The following C1QTNF3 variants were observed in gnomAD, a reference collection of about 807,000 sequenced individuals.
C1QTNF3 encodes the protein complement C1q tumor necrosis factor-related protein 3.
In C1QTNF3, 26 loss-of-function variants were observed where a neutral mutation model predicts 32.6. The ratio of observed to expected loss-of-function variants is 0.80; its 90% confidence interval spans 0.58 to 1.11. The LOEUF is 1.11. C1QTNF3 is among the 50% of genes least tolerant of loss of function. C1QTNF3 has a pLI of 0.00. For missense variants in C1QTNF3, 362 were observed against 398.2 expected (o/e 0.91, Z 0.77); for synonymous variants, 155 against 146.0 (o/e 1.06, Z -0.44).
At chr5:34,133,656 A>G in the C1QTNF3 span, among the ~76,000 whole-genome samples, 1 of 152,234 alleles carries the variant, frequency 6.6e-6, no homozygotes, top group Non-Finnish European at 1.5e-5. Flanking sequence ...TACACTGACG[A>G]GGTCATGTTC....
the C1QTNF3 span, among the ~76,000 whole-genome samples, chr5:34,104,879 T>C: frequency 6.6e-6 from 1 of 151,988 alleles, no homozygotes; most frequent in South Asian, 2.1e-4. Flanking sequence ...TTTTTTTTTT[T>C]AAGGCTAAGA....
the C1QTNF3 span, among the ~76,000 whole-genome samples, chr5:34,171,276 G>A: frequency 2.7e-5 from 4 of 150,634 alleles, no homozygotes; most frequent in Non-Finnish European, 5.9e-5. Flanking sequence ...ATTTTTTTCA[G>A]CAAGTTTATA....
At chr5:34,210,292 G>T in the C1QTNF3 span, among the ~76,000 whole-genome samples, 1 of 151,956 alleles carries the variant, frequency 6.6e-6, no homozygotes, top group Non-Finnish European at 1.5e-5. Context: ...TTTTGATATT[G>T]CATACTCAAT....
the C1QTNF3 span, among the ~76,000 whole-genome samples, chr5:34,170,151 G>A: frequency 6.6e-6 from 1 of 152,048 alleles, no homozygotes; most frequent in Non-Finnish European, 1.5e-5. Flanking sequence ...TGAACCTAAG[G>A]GATCTTATGC....
chr5:34,046,597 G>A (rs7727311), upstream of C1QTNF3, among the ~76,000 whole-genome samples: 108,813 of 152,132 alleles, frequency 0.72, 39,116 homozygotes, highest in East Asian at 0.87. Flanking sequence ...AACCCTTAGG[G>A]GGAACCAACC....
At chr5:34,214,886 T>C in the C1QTNF3 span, among the ~76,000 whole-genome samples, 2 of 152,146 alleles carry the variant, frequency 1.3e-5, no homozygotes, top group South Asian at 2.1e-4. Flanking sequence ...GGCAGGCAAA[T>C]TGTTGCATAA....
chr5:34,116,442 T>A, the C1QTNF3 span, among the ~76,000 whole-genome samples: 1 of 151,922 alleles, frequency 6.6e-6, no homozygotes. Context: ...ACTACTACTG[T>A]TGAATTGTCT....
At chr5:34,229,288 T>TC in the C1QTNF3 span, among the ~76,000 whole-genome samples, 1 of 151,940 alleles carries the variant, frequency 6.6e-6, no homozygotes, top group Admixed American at 6.6e-5. Flanking sequence ...CACATCTACC[T>TC]CTTCCTCTAT....
upstream of C1QTNF3, among the ~76,000 whole-genome samples, chr5:34,048,096 T>C (rs1424750529): frequency 6.6e-6 from 1 of 152,188 alleles, no homozygotes; most frequent in Admixed American, 6.5e-5. Context: ...TTTCAGAGAC[T>C]CATGTACAAA....
At chr5:34,175,659 A>G in the C1QTNF3 span, 43 of 565,274 alleles carry the variant, frequency 7.6e-5, no homozygotes, top group Non-Finnish European at 1.3e-4. Context: ...CTTCCTAAGC[A>G]CAACTTACTT....
chr5:34,115,298 T>C, the C1QTNF3 span, among the ~76,000 whole-genome samples: 5 of 152,352 alleles, frequency 3.3e-5, no homozygotes, highest in African/African-American at 1.2e-4. Context: ...TTCATCATAA[T>C]GTATCTAAGA....
the C1QTNF3 span, among the ~76,000 whole-genome samples, chr5:34,237,924 G>A: frequency 2.0e-5 from 3 of 152,130 alleles, no homozygotes; most frequent in Non-Finnish European, 4.4e-5. Context: ...GCAAACAAAA[G>A]GAAGTATAAA....
intron 5 of C1QTNF3, 47 bp from the exon 6 acceptor site, chr5:34,020,789 AC>A: frequency 6.3e-7 from 1 of 1,579,744 alleles, no homozygotes; most frequent in Admixed American, 1.7e-5. Flanking sequence ...GCCATGAACA[AC>A]CAGCTCTTCA....
chr5:34,208,711 G>GA, the C1QTNF3 span, among the ~76,000 whole-genome samples: 49 of 152,096 alleles, frequency 3.2e-4, no homozygotes, highest in South Asian at 8.3e-3. Context: ...TTATACTAAT[G>GA]AAAAAATCTA....
the C1QTNF3 span, among the ~76,000 whole-genome samples, chr5:34,194,702 G>A: frequency 4.6e-5 from 7 of 152,294 alleles, no homozygotes; most frequent in African/African-American, 9.6e-5. Context: ...TGAAAGTTCC[G>A]TGAGGATAGG....
At chr5:34,115,039 T>C in the C1QTNF3 span, among the ~76,000 whole-genome samples, 3 of 151,870 alleles carry the variant, frequency 2.0e-5, no homozygotes, top group East Asian at 5.8e-4. Context: ...TTGTTCAACT[T>C]TTTTTTTATT....
At chr5:34,053,291 A>C in the C1QTNF3 span, among the ~76,000 whole-genome samples, 6 of 152,292 alleles carry the variant, frequency 3.9e-5, no homozygotes, top group South Asian at 2.1e-4. Flanking sequence ...CAGACACTCC[A>C]CCCGAACCAC....
chr5:34,146,306 T>C, the C1QTNF3 span, among the ~76,000 whole-genome samples: 18 of 152,332 alleles, frequency 1.2e-4, no homozygotes, highest in East Asian at 2.9e-3. Flanking sequence ...TCGGCACTAT[T>C]CCTAGCAAAC....
At chr5:34,040,210 A>G (rs1561061346) in intron 1 of C1QTNF3, among the ~76,000 whole-genome samples, 1 of 152,196 alleles carries the variant, frequency 6.6e-6, no homozygotes, top group Non-Finnish European at 1.5e-5. Flanking sequence ...CTTTCCCAAA[A>G]GCAGGACAAA....
Sources: allele counts gnomAD v4.1 joint callset (sites outside exome capture counted in the v4.1 genomes callset), GRCh38; gene constraint gnomAD v4.1.1; transcripts MANE v1.5; gene names NCBI Gene and HGNC (gene_info 2026-07-23, HGNC 2026-07-21).